Variants in MYO5B observed in about 807,000 individuals in gnomAD.
The protein encoded by MYO5B is unconventional myosin-Vb.
Under a neutral mutation model 229.3 loss-of-function variants are expected in MYO5B, and 143 were observed. The observed-to-expected ratio is 0.62, with a 90% CI of 0.54 to 0.72. MYO5B has a LOEUF of 0.72. MYO5B is among the 30% of genes least tolerant of loss of function. The pLI, the probability that MYO5B is intolerant of heterozygous loss-of-function variation, is 0.00. For missense variants in MYO5B, 2,321 were observed against 2,331.0 expected (o/e 1.00, Z 0.09); for synonymous variants, 918 against 885.2 (o/e 1.04, Z -0.66).
At chr18:50,042,353 T>C (rs1342008870) in intron 2 of MYO5B, among the ~76,000 whole-genome samples, 1 of 152,224 alleles carries the variant, frequency 6.6e-6, no homozygotes, top group African/African-American at 2.4e-5. Flanking sequence ...TTCCCTTTAT[T>C]TAAAACTGTT....
At chr18:50,011,298 T>C (rs976649838) in intron 4 of MYO5B, among the ~76,000 whole-genome samples, 3 of 152,146 alleles carry the variant, frequency 2.0e-5, no homozygotes, top group Admixed American at 6.5e-5. Context: ...GCCAAGATCG[T>C]GCCACTGCAC....
chr18:50,046,460 C>T (rs2144402542), intron 2 of MYO5B, among the ~76,000 whole-genome samples: 1 of 152,294 alleles, frequency 6.6e-6, no homozygotes, highest in East Asian at 1.9e-4. Context: ...GATGGGAAGC[C>T]TAGTTTCAGC....
intron 16 of MYO5B, among the ~76,000 whole-genome samples, chr18:49,935,012 T>C (rs942161947): frequency 4.6e-5 from 7 of 152,124 alleles, no homozygotes; most frequent in Admixed American, 3.9e-4. Flanking sequence ...GGGAACAGCA[T>C]GCGTGAAGGC....
At chr18:49,978,725 A>ACACG (rs1485018153) in intron 9 of MYO5B, among the ~76,000 whole-genome samples, 1 of 150,446 alleles carries the variant, frequency 6.6e-6, no homozygotes, top group Non-Finnish European at 1.5e-5. Context: ...ACACACACAC[A>ACACG]CACACACACA....
chr18:50,082,521 T>C lies in MYO5B; in HGVS notation c.28-27143A>G, dbSNP rs146362128. The stretch of plus-strand genomic sequence containing the variant: ...CTAGAACCTAAGTGTTTCCTCTGCT[T>C]AAAGCAAAGGCTATCTGCGGATTGA... On this transcript the variant is annotated intron_variant, in intron 1 of 39. Transcript: ENST00000285039. Among the ~76,000 whole-genome samples the C allele has an allele frequency of 4.8e-3, 730 of 152,346 alleles. 5 individuals are homozygous for C. Among genetic ancestry groups the C allele is most frequent in the African/African-American group, 0.016 (680 of 41,574 alleles).
At chr18:49,953,955 G>A (rs879920210) in intron 13 of MYO5B, among the ~76,000 whole-genome samples, 18,773 of 83,866 alleles carry the variant, frequency 0.22, 1,699 homozygotes, top group South Asian at 0.3. Context: ...ATACAGACAT[G>A]TGTGTGTGTG....
intron 20 of MYO5B, 34 bp downstream of exon 20, chr18:49,904,638 C>T (rs1389984864): frequency 1.2e-6 from 2 of 1,613,718 alleles, no homozygotes; most frequent in East Asian, 4.5e-5. Flanking sequence ...AGTTCTGAAT[C>T]TGCAGCCCTG....
At chr18:50,172,969 A>G (rs1277895926) in intron 1 of MYO5B, among the ~76,000 whole-genome samples, 1 of 152,226 alleles carries the variant, frequency 6.6e-6, no homozygotes, top group East Asian at 1.9e-4. Context: ...CAGTGAACAA[A>G]GAAGCCAGTG....
intron 39 of MYO5B, among the ~76,000 whole-genome samples, chr18:49,832,098 T>C (rs182696947): frequency 3.0e-4 from 45 of 152,288 alleles, no homozygotes; most frequent in Admixed American, 5.2e-4. Flanking sequence ...TGTTTCTGTT[T>C]AGGATGATGA....
chr18:49,952,891 G>A (rs547675800), intron 14 of MYO5B, among the ~76,000 whole-genome samples: 72 of 151,444 alleles, frequency 4.8e-4, no homozygotes, highest in African/African-American at 1.5e-3. Context: ...GGAGACGGAG[G>A]ACAGATGACA....
At chr18:50,001,740 A>G (rs2026049401) in intron 4 of MYO5B, among the ~76,000 whole-genome samples, 1 of 152,088 alleles carries the variant, frequency 6.6e-6, no homozygotes, top group African/African-American at 2.4e-5. Flanking sequence ...AAGAATTCAC[A>G]AGCACACACA....
intron 1 of MYO5B, among the ~76,000 whole-genome samples, chr18:50,125,843 AAC>A (rs1033670496): frequency 6.8e-4 from 104 of 152,342 alleles, no homozygotes; most frequent in African/African-American, 2.3e-3. Context: ...AGGAAATTCT[AAC>A]ACATACTATC....
chr18:50,177,932 T>C (rs2033020139), intron 1 of MYO5B, among the ~76,000 whole-genome samples: 1 of 152,216 alleles, frequency 6.6e-6, no homozygotes, highest in Non-Finnish European at 1.5e-5. Flanking sequence ...AGCCCATCCT[T>C]CTTGTCATCT....
At chr18:50,182,523 T>C (rs1487906911) in intron 1 of MYO5B, among the ~76,000 whole-genome samples, 1 of 152,222 alleles carries the variant, frequency 6.6e-6, no homozygotes, top group East Asian at 1.9e-4. Flanking sequence ...CGTGTAAAAT[T>C]AGGATATTCA....
intron 22 of MYO5B, among the ~76,000 whole-genome samples, chr18:49,885,944 C>T (rs1358438998): frequency 1.3e-5 from 2 of 152,106 alleles, no homozygotes; most frequent in East Asian, 1.9e-4. Context: ...ACTTTGTTAA[C>T]ACCCTTTTTT....
intron 17 of MYO5B, among the ~76,000 whole-genome samples, chr18:49,922,150 C>T (rs2025082192): frequency 6.6e-6 from 1 of 152,190 alleles, no homozygotes; most frequent in African/African-American, 2.4e-5. Flanking sequence ...TGCTCAACTC[C>T]ACACTGAAGC....
intron 1 of MYO5B, among the ~76,000 whole-genome samples, chr18:50,063,199 ACTC>A (rs754878954): frequency 8.0e-5 from 12 of 150,164 alleles, no homozygotes; most frequent in Non-Finnish European, 1.5e-4. Context: ...TCCCGAGTTA[ACTC>A]CTCCTCCCCC....
chr18:50,164,326 G>T (rs1431146477), intron 1 of MYO5B, among the ~76,000 whole-genome samples: 14 of 152,172 alleles, frequency 9.2e-5, no homozygotes, highest in Admixed American at 7.9e-4. Context: ...TTCAAATAGA[G>T]CAAGCCATCC....
Position 49,929,601 on chromosome 18 carries a change from G to T in MYO5B, c.2004-3C>A. The stretch of plus-strand genomic sequence containing the variant: ...GCACTGCTCTCTTTGGGTCAAAGCT[G>T]CCAAAGGAGAAAAAAAAAAAAAAAA... On this transcript the variant is annotated splice_region_variant and splice_polypyrimidine_tract_variant and intron_variant, in intron 16 of 39. Transcript: ENST00000285039. The T allele has an allele frequency of 6.6e-7, 1 of 1,505,388 alleles. No homozygotes were observed. The allele number at this position is 1,505,388 out of a possible 1,614,324, so 93.3% of individuals were successfully genotyped here.
Sources: gnomAD v4.1 joint callset for allele counts (sites outside exome capture counted in the v4.1 genomes callset) on GRCh38, gnomAD v4.1.1 for gene constraint, MANE v1.5 for transcripts, NCBI Gene and HGNC (gene_info 2026-07-23, HGNC 2026-07-21) for gene names.